The following FRMD4B variants were observed in gnomAD, a reference collection of about 807,000 sequenced individuals.
FRMD4B encodes the protein FERM domain containing 4B, also known as FERM domain-containing protein 4B.
Under a neutral mutation model 141.5 loss-of-function variants are expected in FRMD4B, and 74 were observed. The observed-to-expected ratio is 0.52, with a 90% CI of 0.43 to 0.63. The LOEUF (loss-of-function observed/expected upper bound fraction) is 0.63. FRMD4B is among the 30% of genes least tolerant of loss of function. The probability of loss-of-function intolerance (pLI) is 0.00; values close to 1 mark genes in which losing one functional copy is unlikely to be tolerated. For synonymous variants in FRMD4B, 506 were observed against 467.9 expected (o/e 1.08, Z -1.05); for missense variants, 1,366 against 1,253.4 (o/e 1.09, Z -1.36).
At chr3:69,490,009 C>A (rs562486330) in intron 1 of FRMD4B, among the ~76,000 whole-genome samples, 1 of 152,220 alleles carries the variant, frequency 6.6e-6, no homozygotes, top group East Asian at 1.9e-4. Context: ...TATGAAATGT[C>A]CAGAATAGGC....
intron 4 of FRMD4B, among the ~76,000 whole-genome samples, chr3:69,294,198 G>T (rs561619232): frequency 6.6e-6 from 1 of 152,148 alleles, no homozygotes; most frequent in African/African-American, 2.4e-5. Context: ...CTCATTCTGG[G>T]TTTCTTTTAG....
intron 2 of FRMD4B, among the ~76,000 whole-genome samples, chr3:69,413,562 C>T (rs1272941440): frequency 6.6e-6 from 1 of 152,220 alleles, no homozygotes; most frequent in Non-Finnish European, 1.5e-5. Context: ...ATCACAGTAA[C>T]CCCATTTCAT....
At chr3:69,203,301 G>A (rs1349892049) in intron 11 of FRMD4B, among the ~76,000 whole-genome samples, 1 of 129,246 alleles carries the variant, frequency 7.7e-6, no homozygotes, top group Non-Finnish European at 1.6e-5. Context: ...AAATATCTGA[G>A]GGTACTGTCA....
chr3:69,449,893 T>C (rs1396470120), intron 1 of FRMD4B, among the ~76,000 whole-genome samples: 1 of 152,220 alleles, frequency 6.6e-6, no homozygotes, highest in African/African-American at 2.4e-5. Context: ...TAGGGCACTA[T>C]GATACAGAAA....
chr3:69,191,839 C>T (rs935419962), intron 17 of FRMD4B, among the ~76,000 whole-genome samples: 10 of 152,196 alleles, frequency 6.6e-5, no homozygotes, highest in Non-Finnish European at 1.2e-4. Flanking sequence ...CCCAAGACTG[C>T]CTGGATTTCA....
intron 1 of FRMD4B, among the ~76,000 whole-genome samples, chr3:69,345,619 T>G (rs182629687): frequency 6.6e-6 from 1 of 152,108 alleles, no homozygotes; most frequent in Non-Finnish European, 1.5e-5. Context: ...CACAGCCGGG[T>G]AGTCCTCTGA....
At chr3:69,282,972 T>C (rs534245386) in intron 5 of FRMD4B, among the ~76,000 whole-genome samples, 1 of 152,252 alleles carries the variant, frequency 6.6e-6, no homozygotes, top group South Asian at 2.1e-4. Flanking sequence ...TATCCCACTC[T>C]AAATTCCTAC....
At chr3:69,321,412 G>A (rs1235827984) in intron 1 of FRMD4B, among the ~76,000 whole-genome samples, 1 of 152,160 alleles carries the variant, frequency 6.6e-6, no homozygotes, top group Non-Finnish European at 1.5e-5. Flanking sequence ...AAAGCCTAGT[G>A]AGAAAGGGCC....
At chr3:69,192,727 G>C (rs953014296) in intron 17 of FRMD4B, among the ~76,000 whole-genome samples, 2 of 151,994 alleles carry the variant, frequency 1.3e-5, no homozygotes, top group Non-Finnish European at 2.9e-5. Flanking sequence ...TATAAAATTG[G>C]GATCATGTTG....
chr3:69,354,468 G>A (rs1347966887), intron 1 of FRMD4B, among the ~76,000 whole-genome samples: 3 of 152,114 alleles, frequency 2.0e-5, no homozygotes, highest in African/African-American at 4.8e-5. Context: ...ATAACCATAA[G>A]ATTAAATCTC....
chr3:69,439,545 G>A (rs995396898), intron 1 of FRMD4B, among the ~76,000 whole-genome samples: 1 of 152,212 alleles, frequency 6.6e-6, no homozygotes, highest in Non-Finnish European at 1.5e-5. Flanking sequence ...CAGTGCATGA[G>A]AGTCCTAAAT....
rs145962537 is a variant in FRMD4B at position 69,401,207 on chromosome 3, T to C, written c.-1+31427A>G. ...AAAATGCACAATCACTGAAATATGG[T>C]TGTGATGAAAGTAGAACATCCAAAT... On this transcript the variant is annotated intron_variant, in intron 2 of 5. Transcript: ENST00000459638. 4.1e-4 allele frequency among the ~76,000 whole-genome samples: 62 copies of C among 152,280 alleles called. 1 individual carries two copies. In the East Asian group the frequency reaches 8.7e-3, roughly 21 times the overall value.
intron 19 of FRMD4B, among the ~76,000 whole-genome samples, chr3:69,183,640 G>A (rs1476481204): frequency 1.3e-5 from 2 of 151,638 alleles, no homozygotes; most frequent in Admixed American, 6.6e-5. Flanking sequence ...CCACCACCAC[G>A]CCTGGCTAAT....
chr3:69,503,252 A>T (rs571084756), intron 1 of FRMD4B, among the ~76,000 whole-genome samples: 5 of 152,292 alleles, frequency 3.3e-5, no homozygotes, highest in African/African-American at 1.2e-4. Context: ...TTATTGCAGC[A>T]CTATTCACAA....
rs13073995 is a variant in FRMD4B at position 69,241,272 on chromosome 3, T to C, written c.581+7954A>G. ...TGCAGAAGCCTGACTCCTACTCTGATTCTATGGTTCATAGAGTAGAGTGTG... is the reference window on the plus strand; with the variant it reads ...TGCAGAAGCCTGACTCCTACTCTGACTCTATGGTTCATAGAGTAGAGTGTG... On this transcript the variant is annotated intron_variant, in intron 7 of 22. Transcript: ENST00000398540. 4.1e-3 allele frequency among the ~76,000 whole-genome samples: 627 copies of C among 152,344 alleles called. 2 individuals are homozygous for C. The highest frequency in any genetic ancestry group is 7.2e-3 in the Non-Finnish European group (489 of 68,028).
chr3:69,393,683 A>G (rs1320866349), intron 2 of FRMD4B, among the ~76,000 whole-genome samples: 50 of 152,226 alleles, frequency 3.3e-4, no homozygotes, highest in Non-Finnish European at 2.9e-5. Context: ...ATACTTATTA[A>G]GTCTACTTAA....
At chr3:69,245,148 C>T (rs1347975919) in intron 7 of FRMD4B, among the ~76,000 whole-genome samples, 1 of 152,044 alleles carries the variant, frequency 6.6e-6, no homozygotes, top group East Asian at 1.9e-4. Flanking sequence ...ATTGTAAGTC[C>T]CATTTTACAG....
intron 1 of FRMD4B, among the ~76,000 whole-genome samples, chr3:69,383,285 A>C (rs2019003): frequency 0.66 from 100,120 of 151,820 alleles, 33,182 homozygotes; most frequent in East Asian, 0.7. Flanking sequence ...TAATATTTGA[A>C]AAGCATTAAA....
At chr3:69,190,344 C>T (rs770032018) in intron 17 of FRMD4B, among the ~76,000 whole-genome samples, 4 of 151,904 alleles carry the variant, frequency 2.6e-5, no homozygotes, top group Non-Finnish European at 5.9e-5. Flanking sequence ...ACATTTGAAT[C>T]CTCATTTGAA....
Sources: gnomAD v4.1 joint callset for allele counts (sites outside exome capture counted in the v4.1 genomes callset) on GRCh38, gnomAD v4.1.1 for gene constraint, MANE v1.5 for transcripts, NCBI Gene and HGNC (gene_info 2026-07-23, HGNC 2026-07-21) for gene names.